ENPP6: variants seen among roughly 807,000 people sequenced by gnomAD.
ENPP6 encodes the protein glycerophosphocholine cholinephosphodiesterase ENPP6.
ENPP6 carries 32 observed loss-of-function variants against 42.0 expected under a neutral mutation model. The observed-to-expected ratio is 0.76, with a 90% CI of 0.58 to 1.02. The LOEUF (loss-of-function observed/expected upper bound fraction) is 1.02. Among genes scored for constraint, ENPP6 ranks in the 50% least tolerant of loss-of-function variants. ENPP6 has a pLI of 0.00. For missense variants in ENPP6, 552 were observed against 566.8 expected, an observed-to-expected ratio of 0.97 and a Z score of 0.27; for synonymous variants, 213 against 216.0, an observed-to-expected ratio of 0.99 and a Z score of 0.12.
chr4:184,165,911 T>G (rs995533389), intron 1 of ENPP6, among the ~76,000 whole-genome samples: 5 of 152,236 alleles, frequency 3.3e-5, no homozygotes, highest in Non-Finnish European at 7.3e-5. Flanking sequence ...TAGGTTCCCC[T>G]TAGTACTTTT....
intron 2 of ENPP6, among the ~76,000 whole-genome samples, chr4:184,149,642 C>A (rs1417806745): frequency 6.6e-6 from 1 of 152,206 alleles, no homozygotes; most frequent in East Asian, 1.9e-4. Context: ...CTCCCTACTG[C>A]TTGGCTGTAG....
chr4:184,196,189 C>T (rs890977294), intron 1 of ENPP6, among the ~76,000 whole-genome samples: 7 of 152,332 alleles, frequency 4.6e-5, no homozygotes, highest in African/African-American at 9.6e-5. Context: ...TCAAGCTGTC[C>T]GGATCCTTCA....
At position 184,090,758 on chromosome 4, in the gene ENPP6, T is replaced by C. The variant is rs889058305; in HGVS notation, c.*419A>G. ...GGCCACAGACACTGAGGATGGCTCCTGGGTGTGGACAGGGCACAGACAAGG... is the reference window on the plus strand; with the variant it reads ...GGCCACAGACACTGAGGATGGCTCCCGGGTGTGGACAGGGCACAGACAAGG... On this transcript the variant is annotated 3_prime_UTR_variant, in exon 8 of 8. Coordinates refer to ENST00000296741, the MANE Select transcript of ENPP6 (RefSeq NM_153343.4). The C allele has an allele frequency of 5.8e-6, 2 of 345,988 alleles. No individual in the cohort carries two copies. Among genetic ancestry groups the C allele is most frequent in the African/African-American group, 4.2e-5 (2 of 47,532 alleles). The allele number at this position is 345,988 out of a possible 1,614,324, so 21.4% of individuals were successfully genotyped here.
chr4:184,168,904 C>G (rs1198989353), intron 1 of ENPP6, among the ~76,000 whole-genome samples: 3 of 152,166 alleles, frequency 2.0e-5, no homozygotes, highest in Non-Finnish European at 4.4e-5. Context: ...CTGTGCCCCC[C>G]GCTTCCTCAT....
At chr4:184,100,800 A>T (rs578251342) in intron 6 of ENPP6, among the ~76,000 whole-genome samples, 1 of 152,352 alleles carries the variant, frequency 6.6e-6, no homozygotes, top group South Asian at 2.1e-4. Context: ...GGAGAAGCCC[A>T]TGATTTCAGG....
rs10026323 is a variant in ENPP6 at position 184,134,308 on chromosome 4, A to G, written c.422-10036T>C. Among the ~76,000 whole-genome samples the G allele has an allele frequency of 2.7e-3, 415 of 152,242 alleles. 3 individuals are homozygous for G. The highest frequency in any genetic ancestry group is 9.5e-3 in the African/African-American group (393 of 41,538). ...TTATCTTTATGCATTCTCTGGAAGA[A>G]TTTCTGTAAGATTGTTATTATTTTT... On this transcript the variant is annotated intron_variant, in intron 2 of 7. Coordinates refer to ENST00000296741, the MANE Select transcript of ENPP6 (RefSeq NM_153343.4).
At chr4:184,120,199 C>G (rs574281028) in intron 3 of ENPP6, among the ~76,000 whole-genome samples, 87 of 152,300 alleles carry the variant, frequency 5.7e-4, no homozygotes, top group Middle Eastern at 3.4e-3. Context: ...CTGATTCCTG[C>G]TCCTTCTTCC....
At chr4:184,193,632 A>G (rs1484124693) in intron 1 of ENPP6, among the ~76,000 whole-genome samples, 1 of 152,242 alleles carries the variant, frequency 6.6e-6, no homozygotes. Context: ...CATGTAAATT[A>G]TACCTCAGTA....
At chr4:184,122,361 T>C (rs1158982723) in intron 3 of ENPP6, among the ~76,000 whole-genome samples, 1 of 152,104 alleles carries the variant, frequency 6.6e-6, no homozygotes, top group African/African-American at 2.4e-5. Flanking sequence ...TGTAGCCCTT[T>C]CTTCCTGGTG....
intron 1 of ENPP6, among the ~76,000 whole-genome samples, chr4:184,160,879 C>T (rs917674683): frequency 2.0e-5 from 3 of 152,136 alleles, no homozygotes; most frequent in Non-Finnish European, 4.4e-5. Context: ...AAGGAACCTC[C>T]TCACATGAAA....
At chr4:184,122,660 T>C (rs1211503559) in intron 3 of ENPP6, among the ~76,000 whole-genome samples, 1 of 152,120 alleles carries the variant, frequency 6.6e-6, no homozygotes, top group Non-Finnish European at 1.5e-5. Context: ...CACCCACCTG[T>C]GAATCACCGG....
At chr4:184,115,124 C>A (rs1736291910) in intron 5 of ENPP6, among the ~76,000 whole-genome samples, 1 of 152,208 alleles carries the variant, frequency 6.6e-6, no homozygotes, top group African/African-American at 2.4e-5. Context: ...GAGACCCTGG[C>A]CTCCACCAGT....
At chr4:184,124,584 A>G (rs1036432746) in intron 2 of ENPP6, among the ~76,000 whole-genome samples, 18 of 152,210 alleles carry the variant, frequency 1.2e-4, no homozygotes, top group Non-Finnish European at 1.8e-4. Flanking sequence ...AAATACCTCA[A>G]TTGAAAATTT....
intron 1 of ENPP6, among the ~76,000 whole-genome samples, chr4:184,185,596 C>T (rs900316464): frequency 2.0e-5 from 3 of 152,008 alleles, no homozygotes; most frequent in South Asian, 2.1e-4. Context: ...AGATTAAAAA[C>T]AAAAAAGTTG....
intron 1 of ENPP6, among the ~76,000 whole-genome samples, chr4:184,171,617 A>T (rs192241591): frequency 1.1e-3 from 170 of 152,342 alleles, no homozygotes; most frequent in African/African-American, 3.5e-3. Context: ...ATCACAGTTG[A>T]CATACATTTG....
At chr4:184,123,323 G>C (rs868596591) in intron 3 of ENPP6, among the ~76,000 whole-genome samples, 1 of 152,010 alleles carries the variant, frequency 6.6e-6, no homozygotes, top group Non-Finnish European at 1.5e-5. Flanking sequence ...GTTGGTTCTC[G>C]GATATGCCCA....
chr4:184,133,229 G>T (rs1285611621), intron 2 of ENPP6, among the ~76,000 whole-genome samples: 1 of 151,780 alleles, frequency 6.6e-6, no homozygotes, highest in Non-Finnish European at 1.5e-5. Context: ...TGAATCTGTA[G>T]ATCCATTCTG....
At chr4:184,134,422 T>C (rs1250446106) in intron 2 of ENPP6, among the ~76,000 whole-genome samples, 1 of 152,230 alleles carries the variant, frequency 6.6e-6, no homozygotes, top group East Asian at 1.9e-4. Context: ...TTAAAACTGA[T>C]ACAGAAGTAT....
At chr4:184,114,223 C>T (rs1157278999) in intron 5 of ENPP6, among the ~76,000 whole-genome samples, 1 of 152,162 alleles carries the variant, frequency 6.6e-6, no homozygotes, top group Non-Finnish European at 1.5e-5. Context: ...ACCTTAGCCT[C>T]ATAAAGTGCT....
Sources: gnomAD v4.1 joint callset for allele counts (sites outside exome capture counted in the v4.1 genomes callset) on GRCh38, gnomAD v4.1.1 for gene constraint, MANE v1.5 for transcripts, NCBI Gene and HGNC (gene_info 2026-07-23, HGNC 2026-07-21) for gene names.